SLC7A5: variants seen among roughly 807,000 people sequenced by gnomAD.
SLC7A5 encodes the protein large neutral amino acids transporter small subunit 1.
SLC7A5 carries 23 observed loss-of-function variants against 50.2 expected under a neutral mutation model. The observed-to-expected ratio is 0.46, with a 90% CI of 0.33 to 0.65. SLC7A5 has a LOEUF of 0.65. SLC7A5 is among the 30% of genes least tolerant of loss of function. SLC7A5 has a pLI of 0.02. For missense variants in SLC7A5, 578 were observed against 684.4 expected (o/e 0.84, Z 1.73); for synonymous variants, 393 against 330.6 (o/e 1.19, Z -2.05).
In SLC7A5 at chr16:87,869,387, C is replaced by T. The variant is rs1417329745; in HGVS notation, c.36G>A (p.Ala12=). ...AGAGPKRRAL[A]APAAEEKEEA... ...CTTCCTTCTCCTCGGCCGCCGGCGCCGCTAGCGCGCGCCGCTTCGGGCCCG... is the reference window on the plus strand; with the variant it reads ...CTTCCTTCTCCTCGGCCGCCGGCGCTGCTAGCGCGCGCCGCTTCGGGCCCG... Residue 12 remains alanine, a synonymous_variant, in exon 1 of 10, where the codon GCG becomes GCA. Coordinates refer to ENST00000261622, the MANE Select transcript of SLC7A5 (RefSeq NM_003486.7). 1.3e-6 allele frequency: 2 copies of T among 1,570,638 alleles called. No individual in the cohort carries two copies. Among genetic ancestry groups the T allele is most frequent in the Non-Finnish European group, 1.7e-6 (2 of 1,163,922 alleles).
rs1018599981 is a variant in SLC7A5 at position 87,860,157 on chromosome 16, A to G, written c.539-8308T>C. On this transcript the variant is annotated intron_variant, in intron 1 of 9. Transcript: ENST00000261622. The surrounding 1 kb of genome is among the most constrained non-coding windows in gnomAD (Gnocchi z 4.8). The stretch of plus-strand genomic sequence containing the variant: ...AAACCAGCCTGACCAACATGGTGAA[A>G]CCCCCGTCTCTACTAAAAACACAAA... Among the ~76,000 whole-genome samples, 3 of 150,626 alleles carry G rather than the reference A, an allele frequency of 2.0e-5. No individual in the cohort carries two copies. The highest frequency in any genetic ancestry group is 4.4e-5 in the Non-Finnish European group (3 of 67,720).
At chr16:87,866,117 A>G (rs1854100451) in intron 1 of SLC7A5, among the ~76,000 whole-genome samples, 1 of 152,070 alleles carries the variant, frequency 6.6e-6, no homozygotes, top group Admixed American at 6.6e-5. Context: ...GGGTGCGGTG[A>G]GCACACTTGT....
At chr16:87,868,057 G>C (rs8061472) in intron 1 of SLC7A5, among the ~76,000 whole-genome samples, 5 of 149,760 alleles carry the variant, frequency 3.3e-5, no homozygotes, top group Admixed American at 3.3e-4. Flanking sequence ...GCGGGCTTGC[G>C]GTGAGCCGAG....
chr16:87,863,982 T>TAAAAAAAAAAA (rs200874231), intron 1 of SLC7A5, among the ~76,000 whole-genome samples: 26 of 107,906 alleles, frequency 2.4e-4, no homozygotes, highest in African/African-American at 8.7e-4. Flanking sequence ...TGTGATCATT[T>TAAAAAAAAAAA]AAAAATATAT....
At position 87,860,341 on chromosome 16, in the gene SLC7A5, T is replaced by C. The variant is rs1011081242; in HGVS notation, c.539-8492A>G. On this transcript the variant is annotated intron_variant, in intron 1 of 9. Transcript: ENST00000261622. This position sits in a 1 kb window ranked among gnomAD's most constrained non-coding sequence, Gnocchi z 4.8. Reference sequence around the variant, plus strand: ...AAAGCATCTCAAAAAAAAAAAAAAATACACACACACACACACACACACACA... The same window carrying C: ...AAAGCATCTCAAAAAAAAAAAAAAACACACACACACACACACACACACACA... Among the ~76,000 whole-genome samples, 115 of 86,106 alleles carry C rather than the reference T, an allele frequency of 1.3e-3. No individual in the cohort carries two copies. The highest frequency in any genetic ancestry group is 3.8e-3 in the African/African-American group (75 of 19,870). 56.5% of individuals were successfully genotyped at this position (86,106 alleles called of 152,430 possible).
intron 1 of SLC7A5, among the ~76,000 whole-genome samples, chr16:87,863,131 G>A (rs150502025): frequency 0.059 from 9,053 of 152,272 alleles, 356 homozygotes; most frequent in African/African-American, 0.11. Flanking sequence ...GCCACTTCCC[G>A]AACACCTATG....
At chr16:87,850,108 C>T (rs1040956310) in intron 2 of SLC7A5, among the ~76,000 whole-genome samples, 1 of 152,210 alleles carries the variant, frequency 6.6e-6, no homozygotes. Context: ...TCCCCAGCTG[C>T]AGCCAGACTT....
rs1291990291 is a variant in SLC7A5, at chr16:87,842,403, G to A, written c.665-1248C>T. Among the ~76,000 whole-genome samples, 6 of 152,318 alleles carry A rather than the reference G, an allele frequency of 3.9e-5. No individual in the cohort carries two copies. In the East Asian group the frequency reaches 5.8e-4, roughly 15 times the overall value. On this transcript the variant is annotated intron_variant, in intron 2 of 9. Coordinates refer to ENST00000261622, the MANE Select transcript of SLC7A5 (RefSeq NM_003486.7). ...GGTCCAGGGAACACCGCAGAGTGAC[G>A]AGGTGAGCAAATTTCAAAGGGGACC...
In SLC7A5 at chr16:87,830,143, A is replaced by G. The variant is rs2054919012; in HGVS notation, c.*2827T>C. On this transcript the variant is annotated 3_prime_UTR_variant, in exon 10 of 10. Transcript: ENST00000261622. ...ACAGAATAAAGAAGGTCCCAGCCAC[A>G]CACGTCATTACTCGGCAGAGGGTGT... 1 of 152,224 alleles carries G rather than the reference A, an allele frequency of 6.6e-6. No individual in the cohort carries two copies. The highest frequency in any genetic ancestry group is 2.4e-5 in the African/African-American group (1 of 41,468). 9.4% of individuals were successfully genotyped at this position (152,224 alleles called of 1,614,324 possible). A position where few individuals can be genotyped will look rare whatever the true frequency, so the allele number is the denominator to read the frequency against.
At chr16:87,864,667 C>G (rs1392132262) in intron 1 of SLC7A5, among the ~76,000 whole-genome samples, 1 of 152,258 alleles carries the variant, frequency 6.6e-6, no homozygotes, top group Non-Finnish European at 1.5e-5. Flanking sequence ...GCCAGTCCAG[C>G]TGAGGGTCCC....
At position 87,833,876 on chromosome 16, in the gene SLC7A5, A is replaced by G. The variant is rs950163977; in HGVS notation, c.1468+538T>C. Reference sequence around the variant, plus strand: ...TTCTGCCTTTTTTTTTTTTTTTGAGAAGAGTCTCGCTCTGTCGCCCAGGCT... The same window carrying G: ...TTCTGCCTTTTTTTTTTTTTTTGAGGAGAGTCTCGCTCTGTCGCCCAGGCT... On this transcript the variant is annotated intron_variant, in intron 9 of 9. Coordinates refer to ENST00000261622, the MANE Select transcript of SLC7A5 (RefSeq NM_003486.7). This position sits in a 1 kb window ranked among gnomAD's most constrained non-coding sequence, Gnocchi z 6.0. 4.7e-4 allele frequency among the ~76,000 whole-genome samples: 70 copies of G among 148,524 alleles called. No individual in the cohort carries two copies. Among genetic ancestry groups the G allele is most frequent in the African/African-American group, 1.6e-3 (66 of 40,384 alleles).
At chr16:87,837,656 T>C in intron 7 of SLC7A5, 189 bp downstream of exon 7, 2 of 586,922 alleles carry the variant, frequency 3.4e-6, no homozygotes, top group East Asian at 2.8e-5. Flanking sequence ...CCACCATATA[T>C]TATTTTTGGA....
chr16:87,864,401 C>T (rs1426982114), intron 1 of SLC7A5, among the ~76,000 whole-genome samples: 1 of 152,216 alleles, frequency 6.6e-6, no homozygotes, highest in Non-Finnish European at 1.5e-5. Flanking sequence ...CTCTCCTTCA[C>T]ACCCTGGAGC....
At chr16:87,851,908 A>G in intron 1 of SLC7A5, 59 bp from the exon 2 acceptor site, 1 of 1,607,608 alleles carries the variant, frequency 6.2e-7, no homozygotes, top group Non-Finnish European at 8.5e-7. Flanking sequence ...GCTCAGGGGT[A>G]GGCTGGGAGG....
rs535442965 is a variant in SLC7A5 at position 87,850,127 on chromosome 16, G to A, written c.664+1597C>T. On this transcript the variant is annotated intron_variant, in intron 2 of 9. Transcript: ENST00000261622. ...CAGCTGCAGCCAGACTTTGTCCTAA[G>A]GCGAAGTGCCACGTACAGCCAGCAG... Among the ~76,000 whole-genome samples, 199 of 152,312 alleles carry A rather than the reference G, an allele frequency of 1.3e-3. 1 individual carries two copies. The highest frequency in any genetic ancestry group is 4.5e-3 in the African/African-American group (188 of 41,566).
intron 3 of SLC7A5, 100 bp from the exon 4 acceptor site, chr16:87,840,573 C>T (rs903987550): frequency 1.1e-5 from 11 of 1,024,172 alleles, no homozygotes; most frequent in South Asian, 5.1e-5. Flanking sequence ...GCCTGCCCCC[C>T]GGTGGTCTGC....
In SLC7A5 at chr16:87,853,501, G is replaced by C. The variant is rs1407081911; in HGVS notation, c.539-1652C>G. ...GAGGTGATTCTTCACCTCTTCCCAGGGCTCCCAGGGACATGGAGATGTTAC... is the reference window on the plus strand; with the variant it reads ...GAGGTGATTCTTCACCTCTTCCCAGCGCTCCCAGGGACATGGAGATGTTAC... On this transcript the variant is annotated intron_variant, in intron 1 of 9. Coordinates refer to ENST00000261622, the MANE Select transcript of SLC7A5 (RefSeq NM_003486.7). The surrounding 1 kb of genome is among the most constrained non-coding windows in gnomAD (Gnocchi z 4.4). Among the ~76,000 whole-genome samples the C allele has an allele frequency of 6.6e-6, 1 of 152,036 alleles. No individual in the cohort carries two copies. The highest frequency in any genetic ancestry group is 1.5e-5 in the Non-Finnish European group (1 of 68,016).
chr16:87,847,242 TG>T (rs2055165322), intron 2 of SLC7A5, among the ~76,000 whole-genome samples: 1 of 152,182 alleles, frequency 6.6e-6, no homozygotes, highest in Admixed American at 6.5e-5. Context: ...AGCCAAGGTG[TG>T]GGTGAAACGT....
At chr16:87,867,788 C>G (rs2055481654) in intron 1 of SLC7A5, among the ~76,000 whole-genome samples, 1 of 152,144 alleles carries the variant, frequency 6.6e-6, no homozygotes, top group African/African-American at 2.4e-5. Flanking sequence ...GTGGCATCTG[C>G]TACAAGTGAT....
Sources: allele counts gnomAD v4.1 joint callset (sites outside exome capture counted in the v4.1 genomes callset), GRCh38; gene constraint gnomAD v4.1.1; non-coding constraint Gnocchi (gnomAD v3.1); transcripts MANE v1.5; gene names NCBI Gene and HGNC (gene_info 2026-07-23, HGNC 2026-07-21).